DNAH14: variants seen among roughly 807,000 people sequenced by gnomAD.
The protein encoded by DNAH14 is axonemal beta dynein heavy chain 14.
Under a neutral mutation model 520.9 loss-of-function variants are expected in DNAH14, and 478 were observed. The observed-to-expected ratio is 0.92, with a 90% CI of 0.85 to 0.99. DNAH14 has a LOEUF of 0.99. Ranked by LOEUF, DNAH14 falls within the 50% of genes least tolerant of loss-of-function variation. The probability of loss-of-function intolerance (pLI) is 0.00; values close to 1 mark genes in which losing one functional copy is unlikely to be tolerated. For synonymous variants in DNAH14, 1,581 were observed against 1,757.2 expected (o/e 0.90, Z 2.51); for missense variants, 4,831 against 5,234.5 (o/e 0.92, Z 2.38).
chr1:225,325,806 A>G (rs1243186476), intron 64 of DNAH14, among the ~76,000 whole-genome samples: 1 of 152,128 alleles, frequency 6.6e-6, no homozygotes, highest in Non-Finnish European at 1.5e-5. Context: ...TTTACTTAAT[A>G]TCTGATTTTC....
chr1:225,073,016 T>C (rs541981246), intron 17 of DNAH14, among the ~76,000 whole-genome samples: 2 of 152,158 alleles, frequency 1.3e-5, no homozygotes, highest in South Asian at 2.1e-4. Flanking sequence ...AGTCTGGCCA[T>C]GTTTTCATAG....
chr1:225,207,468 T>C (rs979662183), intron 41 of DNAH14, among the ~76,000 whole-genome samples: 6 of 152,194 alleles, frequency 3.9e-5, no homozygotes, highest in African/African-American at 1.4e-4. Context: ...CTAGAGGGTC[T>C]CTATTAAAGA....
chr1:225,346,017 A>G lies in DNAH14; in HGVS notation c.10734A>G (p.Thr3578=). 2 of 1,551,610 alleles carry G rather than the reference A, an allele frequency of 1.3e-6. No homozygotes were observed. The highest frequency in any genetic ancestry group is 1.7e-6 in the Non-Finnish European group (2 of 1,146,956). Residue 3578 remains threonine (T), a synonymous_variant, in exon 70 of 86, where the codon ACA becomes ACG. Coordinates refer to ENST00000682510, the MANE Select transcript of DNAH14 (RefSeq NM_001367479.1). ...IVDTLRKSKM[T]SNEISKRIEA... ...ATACCTTAAGAAAATCCAAAATGAC[A>G]TCAAACGAAATTTCAAAGCGCATCG...
Position 224,967,320 on chromosome 1 carries a change from T to G in DNAH14, c.499-111T>G, listed in dbSNP as rs939754195. ...CCAAATATAGTATTCTTATTTTTAA[T>G]CTGTATTAAAATTGTTTCAATTTAG... On this transcript the variant is annotated intron_variant, in intron 5 of 85. Transcript: ENST00000682510. 13 of 603,442 alleles carry G rather than the reference T, an allele frequency of 2.2e-5. No individual in the cohort carries two copies. In the African/African-American group the frequency reaches 2.3e-4, roughly 11 times the overall value. 37.4% of individuals were successfully genotyped at this position (603,442 alleles called of 1,614,324 possible).
intron 36 of DNAH14, among the ~76,000 whole-genome samples, chr1:225,169,500 C>A (rs957799500): frequency 5.9e-5 from 9 of 152,214 alleles, no homozygotes; most frequent in African/African-American, 1.7e-4. Context: ...GTGACGCATG[C>A]ACAAGCTTCA....
intron 37 of DNAH14, among the ~76,000 whole-genome samples, chr1:225,188,127 C>T (rs969938393): frequency 1.3e-5 from 2 of 151,864 alleles, no homozygotes; most frequent in African/African-American, 2.4e-5. Flanking sequence ...GTTGTGATTG[C>T]TATATAGTTT....
chr1:225,378,306 C>T (rs1257259748), intron 79 of DNAH14, among the ~76,000 whole-genome samples: 1 of 152,038 alleles, frequency 6.6e-6, no homozygotes, highest in African/African-American at 2.4e-5. Flanking sequence ...ATGTAATTTC[C>T]TTAGTGGTAG....
rs573517632 is a variant in DNAH14 at position 225,232,002 on chromosome 1, G to A, written c.6518+851G>A. Among the ~76,000 whole-genome samples, 124 of 152,084 alleles carry A rather than the reference G, an allele frequency of 8.2e-4. No individual in the cohort carries two copies. In the Middle Eastern group the frequency reaches 0.024, roughly 29 times the overall value. ...AAAAGCATATTATTTTATTTTTGAA[G>A]TCCTCTGTATTCTCTCCTAGATCTC... On this transcript the variant is annotated intron_variant, in intron 42 of 85. Coordinates refer to ENST00000682510, the MANE Select transcript of DNAH14 (RefSeq NM_001367479.1). This position sits in a 1 kb window ranked among gnomAD's most constrained non-coding sequence, Gnocchi z 4.2.
chr1:225,345,985 A>G lies in DNAH14; in HGVS notation c.10702A>G (p.Ile3568Val). The G allele has an allele frequency of 6.4e-7, 1 of 1,550,530 alleles. No homozygotes were observed. Among genetic ancestry groups the G allele is most frequent in the South Asian group, 1.2e-5 (1 of 84,002 alleles). Residue 3568 changes from isoleucine to valine, a missense_variant, in exon 70 of 86, where the codon ATT becomes GTT. Physicochemically the swap from Ile to Val is conservative, Grantham distance 29. Coordinates refer to ENST00000682510, the MANE Select transcript of DNAH14 (RefSeq NM_001367479.1). Reference protein sequence around the residue: ...ALGSILDDDKIVDTLRKSKMT... With the variant: ...ALGSILDDDKVVDTLRKSKMT... The stretch of plus-strand genomic sequence containing the variant: ...AGGATCCATATTAGATGATGACAAA[A>G]TTGTAGATACCTTAAGAAAATCCAA...
intron 64 of DNAH14, among the ~76,000 whole-genome samples, chr1:225,327,237 A>G (rs1437406646): frequency 6.6e-6 from 1 of 151,722 alleles, no homozygotes; most frequent in African/African-American, 2.4e-5. Context: ...GGCTCACTGC[A>G]AGCTCCGCCT....
At chr1:224,958,306 G>T (rs1253141127) in intron 3 of DNAH14, among the ~76,000 whole-genome samples, 1 of 152,072 alleles carries the variant, frequency 6.6e-6, no homozygotes, top group Non-Finnish European at 1.5e-5. Context: ...TTGTGTTCAG[G>T]ATCCATTTGT....
chr1:224,933,939 C>T (rs2058861377), intron 1 of DNAH14, among the ~76,000 whole-genome samples: 1 of 151,654 alleles, frequency 6.6e-6, no homozygotes, highest in Non-Finnish European at 1.5e-5. Context: ...ACGTTGTTTA[C>T]AGCCAAAGAA....
At chr1:225,254,681 A>G (rs748779418) in intron 44 of DNAH14, among the ~76,000 whole-genome samples, 6 of 152,196 alleles carry the variant, frequency 3.9e-5, no homozygotes, top group Non-Finnish European at 7.4e-5. Flanking sequence ...TGAAGCCTAC[A>G]ATCTAAAACT....
At chr1:225,185,449 G>C in intron 37 of DNAH14, 24 bp downstream of exon 37, 1 of 1,500,026 alleles carries the variant, frequency 6.7e-7, no homozygotes, top group Non-Finnish European at 8.9e-7. Flanking sequence ...TAAATAAAAT[G>C]TTTCTCTATT....
In DNAH14 at chr1:225,377,444, C is replaced by T. The variant is rs76811069; in HGVS notation, c.12716+8C>T. 2.4e-3 allele frequency: 3,642 copies of T among 1,536,352 alleles called. 75 individuals carry two copies. The African/African-American group carries it at 0.042, about 18-fold the overall frequency. On this transcript the variant is annotated splice_region_variant and intron_variant, in intron 79 of 85. Transcript: ENST00000682510. ...TGCCAACCTCATGATCAGGTAAGAACTCGCTAGGAAAAATTGTTGGTCAAA... is the reference window on the plus strand; with the variant it reads ...TGCCAACCTCATGATCAGGTAAGAATTCGCTAGGAAAAATTGTTGGTCAAA...
intron 69 of DNAH14, among the ~76,000 whole-genome samples, chr1:225,344,602 A>T (rs897232281): frequency 9.2e-5 from 14 of 152,122 alleles, no homozygotes; most frequent in African/African-American, 3.4e-4. Flanking sequence ...GTGTGTATGT[A>T]CCACATTTTC....
chr1:225,160,500 A>C (rs1194597236), intron 35 of DNAH14, among the ~76,000 whole-genome samples: 1 of 152,156 alleles, frequency 6.6e-6, no homozygotes, highest in East Asian at 1.9e-4. Context: ...AAGTTTGAAA[A>C]TCTCCCTTGA....
rs1416282484 is a variant in DNAH14 at position 225,346,216 on chromosome 1, A to G, written c.10933A>G (p.Lys3645Glu). The G allele has an allele frequency of 3.2e-6, 5 of 1,551,656 alleles. No homozygotes were observed. The highest frequency in any genetic ancestry group is 2.4e-5 in the East Asian group (1 of 40,920). ...GGTTTTTGTTTCATCAGTAGTTTCC[A>G]AAAGCAAAGAACAAGAACATAGTTT... ...HQVFVSSVVSKSKEQEHSFKR... is the reference protein window; with the variant it reads ...HQVFVSSVVSESKEQEHSFKR... Residue 3645 changes from lysine to glutamate, a missense_variant, in exon 70 of 86, where the codon AAA becomes GAA. By Grantham distance (56) the Lys-to-Glu change is moderately conservative. Transcript: ENST00000682510.
At chr1:225,125,796 C>G (rs1207304437) in intron 27 of DNAH14, among the ~76,000 whole-genome samples, 1 of 152,170 alleles carries the variant, frequency 6.6e-6, no homozygotes, top group Non-Finnish European at 1.5e-5. Context: ...CAGAAGAGGC[C>G]TAGCTTTCAG....
Sources: allele counts gnomAD v4.1 joint callset (sites outside exome capture counted in the v4.1 genomes callset), GRCh38; gene constraint gnomAD v4.1.1; non-coding constraint Gnocchi (gnomAD v3.1); transcripts MANE v1.5; gene names NCBI Gene and HGNC (gene_info 2026-07-23, HGNC 2026-07-21).